Variants in KMT2E observed in about 807,000 individuals in gnomAD.
KMT2E encodes histone reader KMT2E.
A neutral mutation model predicts 184.6 loss-of-function variants in KMT2E; 30 were observed. The ratio of observed to expected loss-of-function variants is 0.16; its 90% CI spans 0.12 to 0.22. The LOEUF is 0.22. Ranked by LOEUF, KMT2E falls within the 10% of genes least tolerant of loss-of-function variation. The pLI, the probability that KMT2E is intolerant of heterozygous loss-of-function variation, is 1.00. For synonymous variants in KMT2E, 815 were observed against 776.5 expected (o/e 1.05, Z -0.82); for missense variants, 2,023 against 2,237.4 (o/e 0.90, Z 1.93).
chr7:105,028,405 G>A (rs1004703325), intron 1 of KMT2E, among the ~76,000 whole-genome samples: 20 of 152,164 alleles, frequency 1.3e-4, no homozygotes, highest in Non-Finnish European at 1.5e-5. Flanking sequence ...GGGCTCAAGT[G>A]ATCCGCCTGC....
intron 22 of KMT2E, chr7:105,108,452 C>G (rs1799007264): frequency 2.6e-6 from 1 of 378,414 alleles, no homozygotes; most frequent in Non-Finnish European, 5.3e-6. Flanking sequence ...TGCCTTATTT[C>G]AAAAGAAACT....
At chr7:105,110,979 C>G (rs1373482035) in intron 26 of KMT2E, 111 bp downstream of exon 26, 3 of 706,266 alleles carry the variant, frequency 4.2e-6, no homozygotes, top group Non-Finnish European at 7.4e-6. Context: ...CAACTTGTGA[C>G]TTCTGGACAC....
At chr7:105,034,355 C>T (rs942671872) in intron 1 of KMT2E, among the ~76,000 whole-genome samples, 2 of 152,096 alleles carry the variant, frequency 1.3e-5, no homozygotes, top group African/African-American at 4.8e-5. Flanking sequence ...ACCTCAATCT[C>T]CTGAATAGTT....
intron 3 of KMT2E, among the ~76,000 whole-genome samples, chr7:105,056,742 G>C (rs992543170): frequency 6.6e-6 from 1 of 152,300 alleles, no homozygotes; most frequent in East Asian, 1.9e-4. Flanking sequence ...AGTTGTACTT[G>C]AGAACAAATT....
intron 14 of KMT2E, 41 bp downstream of exon 14, chr7:105,090,314 A>C: frequency 6.4e-7 from 1 of 1,552,144 alleles, no homozygotes; most frequent in Non-Finnish European, 8.7e-7. Flanking sequence ...TAAACAAAGG[A>C]AAATAATCTG....
At chr7:105,099,139 C>G (rs1465755542) in intron 15 of KMT2E, among the ~76,000 whole-genome samples, 1 of 152,072 alleles carries the variant, frequency 6.6e-6, no homozygotes, top group Non-Finnish European at 1.5e-5. Context: ...AAATCAGGCA[C>G]GTTTATGTTC....
At chr7:105,072,732 A>G (rs1203624735) in intron 6 of KMT2E, among the ~76,000 whole-genome samples, 3 of 151,944 alleles carry the variant, frequency 2.0e-5, no homozygotes, top group Non-Finnish European at 4.4e-5. Flanking sequence ...CCTGACCAAC[A>G]TGGAGAAACC....
chr7:105,060,949 G>A (rs1475184322), intron 3 of KMT2E, among the ~76,000 whole-genome samples: 3 of 152,072 alleles, frequency 2.0e-5, no homozygotes, highest in African/African-American at 2.4e-5. Flanking sequence ...TTCACACAAC[G>A]GTGAAATCAC....
chr7:105,099,386 A>T (rs1239393450), intron 15 of KMT2E, among the ~76,000 whole-genome samples: 1 of 152,176 alleles, frequency 6.6e-6, no homozygotes, highest in Non-Finnish European at 1.5e-5. Flanking sequence ...TTTCTTCAGC[A>T]GTATTGGACC....
At chr7:105,076,856 T>C (rs1294187956) in intron 9 of KMT2E, 107 bp from the exon 10 acceptor site, 8 of 802,906 alleles carry the variant, frequency 1.0e-5, no homozygotes, top group South Asian at 4.8e-5. Flanking sequence ...TTCTTTTGTA[T>C]AGATTGCCGT....
intron 23 of KMT2E, 98 bp from the exon 24 acceptor site, chr7:105,110,182 C>A: frequency 1.0e-6 from 1 of 963,250 alleles, no homozygotes; most frequent in Non-Finnish European, 1.6e-6. Context: ...CCCAGTAGAT[C>A]AAAAGCCTTG....
chr7:105,074,616 G>A, intron 7 of KMT2E, 27 bp from the exon 8 acceptor site: 2 of 1,442,506 alleles, frequency 1.4e-6, no homozygotes, highest in African/African-American at 1.5e-5. Context: ...AGTATTAAAT[G>A]TGCAATAATT....
intron 1 of KMT2E, among the ~76,000 whole-genome samples, chr7:105,019,414 G>A (rs1453539366): frequency 6.6e-6 from 1 of 152,008 alleles, no homozygotes; most frequent in African/African-American, 2.4e-5. Flanking sequence ...TGGAAATCTC[G>A]TTTGGTTATT....
At chr7:105,026,071 A>G (rs1562875985) in intron 1 of KMT2E, among the ~76,000 whole-genome samples, 1 of 152,204 alleles carries the variant, frequency 6.6e-6, no homozygotes, top group Admixed American at 6.5e-5. Context: ...ATTGATAAGG[A>G]TATTTTAAAT....
At chr7:105,022,501 A>G (rs1283518764) in intron 1 of KMT2E, among the ~76,000 whole-genome samples, 1 of 151,762 alleles carries the variant, frequency 6.6e-6, no homozygotes, top group Non-Finnish European at 1.5e-5. Flanking sequence ...GCCCTTTACT[A>G]TTATGTTCAT....
At chr7:105,044,604 T>C (rs1796021171) in intron 3 of KMT2E, among the ~76,000 whole-genome samples, 1 of 152,170 alleles carries the variant, frequency 6.6e-6, no homozygotes. Flanking sequence ...TTATCTGCTC[T>C]ATAAAATACC....
chr7:105,071,189 C>G (rs1797271308), intron 6 of KMT2E, among the ~76,000 whole-genome samples: 1 of 151,998 alleles, frequency 6.6e-6, no homozygotes, highest in African/African-American at 2.4e-5. Flanking sequence ...TGTACTGTAT[C>G]TTTTTTTGTA....
intron 9 of KMT2E, 75 bp downstream of exon 9, chr7:105,076,156 T>C: frequency 9.9e-7 from 1 of 1,005,922 alleles, no homozygotes; most frequent in South Asian, 1.3e-5. Context: ...TGACCATATC[T>C]TTACTTAATG....
At chr7:105,078,724 T>G in intron 11 of KMT2E, 122 bp from the exon 12 acceptor site, 1 of 342,512 alleles carries the variant, frequency 2.9e-6, no homozygotes, top group South Asian at 3.5e-5. Context: ...CCCAGGTTGG[T>G]CTTGATCTCC....
Sources: gnomAD v4.1 joint callset for allele counts (sites outside exome capture counted in the v4.1 genomes callset) on GRCh38, gnomAD v4.1.1 for gene constraint, MANE v1.5 for transcripts, NCBI Gene and HGNC (gene_info 2026-07-23, HGNC 2026-07-21) for gene names.